The following CSMD1 variants were observed in gnomAD, a reference collection of about 807,000 sequenced individuals.
The protein encoded by CSMD1 is CUB and sushi domain-containing protein 1.
CSMD1 carries 213 observed loss-of-function variants against 417.5 expected under a neutral mutation model. That is an observed-to-expected ratio of 0.51 (90% CI 0.46 to 0.57). The LOEUF (loss-of-function observed/expected upper bound fraction) is 0.57. CSMD1 is among the 20% of genes least tolerant of loss of function. The pLI is 0.00. For synonymous variants in CSMD1, 2,862 were observed against 1,736.8 expected (o/e 1.65, Z -16.11); for missense variants, 6,923 against 4,529.7 (o/e 1.53, Z -15.17).
At chr8:4,461,795 C>A (rs1321632905) in intron 2 of CSMD1, among the ~76,000 whole-genome samples, 1 of 144,720 alleles carries the variant, frequency 6.9e-6, no homozygotes, top group African/African-American at 2.6e-5. Flanking sequence ...GGCTGGAGTG[C>A]AGTAGTACGA....
chr8:4,833,100 T>G (rs1022281454), intron 1 of CSMD1, among the ~76,000 whole-genome samples: 9 of 152,170 alleles, frequency 5.9e-5, no homozygotes, highest in African/African-American at 1.2e-4. Context: ...TAAATCTGTA[T>G]TTGAGTTTTC....
At chr8:3,143,120 C>G (rs1039061318) in intron 40 of CSMD1, among the ~76,000 whole-genome samples, 1 of 152,160 alleles carries the variant, frequency 6.6e-6, no homozygotes, top group African/African-American at 2.4e-5. Flanking sequence ...ACAACAACAA[C>G]AATTTTGGTT....
At chr8:4,912,359 C>CT (rs10578105) in intron 1 of CSMD1, among the ~76,000 whole-genome samples, 33 of 148,356 alleles carry the variant, frequency 2.2e-4, no homozygotes, top group African/African-American at 5.9e-4. Flanking sequence ...TCATTTTCTG[C>CT]TTTTTTTTTT....
At chr8:4,482,859 G>A (rs574647972) in intron 2 of CSMD1, among the ~76,000 whole-genome samples, 16 of 152,128 alleles carry the variant, frequency 1.1e-4, no homozygotes, top group Non-Finnish European at 1.9e-4. Flanking sequence ...TGCTATTTAT[G>A]TTTTTTTAAG....
At chr8:3,735,856 T>C (rs138445950) in intron 6 of CSMD1, among the ~76,000 whole-genome samples, 175 of 152,340 alleles carry the variant, frequency 1.1e-3, no homozygotes, top group African/African-American at 4.0e-3. Context: ...TCCTAATTTA[T>C]GCCTAGAATT....
chr8:3,065,133 T>C (rs934369462), intron 49 of CSMD1, among the ~76,000 whole-genome samples: 1 of 151,968 alleles, frequency 6.6e-6, no homozygotes, highest in Non-Finnish European at 1.5e-5. Flanking sequence ...GAAATCCTCA[T>C]TTCATAAATA....
chr8:3,996,593 G>C (rs897897259), intron 5 of CSMD1, among the ~76,000 whole-genome samples: 2 of 152,114 alleles, frequency 1.3e-5, no homozygotes, highest in African/African-American at 4.8e-5. Flanking sequence ...GACATAGCGA[G>C]ATAGGTAATA....
chr8:4,432,817 A>G (rs1797942420), intron 2 of CSMD1, among the ~76,000 whole-genome samples: 1 of 152,178 alleles, frequency 6.6e-6, no homozygotes, highest in Non-Finnish European at 1.5e-5. Context: ...ACCAACCAAC[A>G]ATTTAGATTT....
intron 1 of CSMD1, among the ~76,000 whole-genome samples, chr8:4,687,961 A>G (rs953816163): frequency 2.0e-5 from 3 of 152,136 alleles, no homozygotes; most frequent in African/African-American, 2.4e-5. Context: ...ATTTAACTCT[A>G]TCTGTAGCAT....
At chr8:4,271,572 A>C (rs1028544811) in intron 3 of CSMD1, among the ~76,000 whole-genome samples, 1 of 150,844 alleles carries the variant, frequency 6.6e-6, no homozygotes, top group Non-Finnish European at 1.5e-5. Context: ...AAAAGAGAGA[A>C]AAAAAAAAGG....
intron 2 of CSMD1, among the ~76,000 whole-genome samples, chr8:4,427,902 G>C (rs66512318): frequency 0.14 from 21,818 of 152,118 alleles, 1,728 homozygotes; most frequent in South Asian, 0.27. Context: ...TGTCTCTAGG[G>C]CACAGACTGC....
At chr8:3,521,477 T>C (rs1797505969) in intron 10 of CSMD1, among the ~76,000 whole-genome samples, 2 of 152,198 alleles carry the variant, frequency 1.3e-5, no homozygotes, top group African/African-American at 4.8e-5. Context: ...CATAGCATTG[T>C]TCCTTGCTGT....
chr8:3,145,671 C>G (rs1818799928), intron 40 of CSMD1, among the ~76,000 whole-genome samples: 2 of 152,170 alleles, frequency 1.3e-5, no homozygotes, highest in African/African-American at 4.8e-5. Flanking sequence ...AATTATCTAG[C>G]TATCTAATTT....
chr8:3,500,999 G>C (rs940861671), intron 10 of CSMD1, among the ~76,000 whole-genome samples: 1 of 152,132 alleles, frequency 6.6e-6, no homozygotes, highest in Middle Eastern at 3.4e-3. Context: ...AAATATTGTT[G>C]CTACTTTGAT....
At chr8:3,581,185 A>C (rs1376951162) in intron 9 of CSMD1, among the ~76,000 whole-genome samples, 1 of 152,172 alleles carries the variant, frequency 6.6e-6, no homozygotes, top group Non-Finnish European at 1.5e-5. Flanking sequence ...CATTTTACTT[A>C]AAAAAATAGA....
rs146508002 is a variant in CSMD1 at position 4,393,814 on chromosome 8, C to A, written c.415+26139G>T. 4.0e-3 allele frequency among the ~76,000 whole-genome samples: 602 copies of A among 152,284 alleles called. 2 individuals carry two copies. Among genetic ancestry groups the A allele is most frequent in the African/African-American group, 0.014 (574 of 41,560 alleles). ...TGATCATCTTTATATGCCATATTTT[C>A]CTATGTTTCTGTATCTTTTCCAAAG... On this transcript the variant is annotated intron_variant, in intron 3 of 69. Coordinates refer to ENST00000635120, the MANE Select transcript of CSMD1 (RefSeq NM_033225.6).
chr8:3,787,443 G>T (rs1174757100), intron 5 of CSMD1, among the ~76,000 whole-genome samples: 1 of 152,050 alleles, frequency 6.6e-6, no homozygotes, highest in Non-Finnish European at 1.5e-5. Flanking sequence ...TTTTCTAAAT[G>T]ATATACAATA....
At chr8:3,394,009 A>AAT in intron 17 of CSMD1, among the ~76,000 whole-genome samples, 1 of 50,580 alleles carries the variant, frequency 2.0e-5, no homozygotes. Flanking sequence ...ATAAAAAAAT[A>AAT]AATTATATAT....
intron 10 of CSMD1, among the ~76,000 whole-genome samples, chr8:3,496,886 A>G (rs1443449728): frequency 6.6e-6 from 1 of 152,170 alleles, no homozygotes; most frequent in Non-Finnish European, 1.5e-5. Flanking sequence ...CCATTGGCCT[A>G]TTTCTTCATA....
Sources: allele counts gnomAD v4.1 joint callset (sites outside exome capture counted in the v4.1 genomes callset), GRCh38; gene constraint gnomAD v4.1.1; transcripts MANE v1.5; gene names NCBI Gene and HGNC (gene_info 2026-07-23, HGNC 2026-07-21).